The following GNG7 variants were observed in gnomAD, a reference collection of about 807,000 sequenced individuals.
GNG7 encodes guanine nucleotide-binding protein G(I)/G(S)/G(O) subunit gamma-7.
A neutral mutation model predicts 4.0 loss-of-function variants in GNG7; 1 was observed. The ratio of observed to expected loss-of-function variants is 0.25; its 90% CI spans 0.09 to 1.18. The LOEUF (loss-of-function observed/expected upper bound fraction) is 1.18, where lower values mean the gene tolerates loss of function less well. GNG7 is among the 50% of genes most tolerant of loss of function. The pLI is 0.50. For missense variants in GNG7, 86 were observed against 91.9 expected, an observed-to-expected ratio of 0.94 and a Z score of 0.26; for synonymous variants, 34 against 36.9, an observed-to-expected ratio of 0.92 and a Z score of 0.29.
intron 1 of GNG7, among the ~76,000 whole-genome samples, chr19:2,665,041 T>A (rs1240501311): frequency 1.3e-5 from 2 of 151,772 alleles, no homozygotes; most frequent in Non-Finnish European, 2.9e-5. Context: ...GCTGCACACA[T>A]TGAAATCCAC....
intron 3 of GNG7, among the ~76,000 whole-genome samples, chr19:2,550,493 G>A (rs1402790048): frequency 1.3e-5 from 2 of 152,184 alleles, no homozygotes; most frequent in African/African-American, 2.4e-5. Flanking sequence ...CTCCCAAAGT[G>A]CTGCGATTAC....
rs566517073 is a variant in GNG7, at chr19:2,515,098, C to T, written c.131G>A (p.Arg44Gln). 23 of 1,613,854 alleles carry T rather than the reference C, an allele frequency of 1.4e-5. No individual in the cohort carries two copies. The highest frequency in any genetic ancestry group is 1.7e-4 in the Middle Eastern group (1 of 6,056). ...GACTCCGACCAGCAGGGGGTCGTTC[C>T]GGGCATGTTGCTCACAGTAGCTCAT... ...DLMSYCEQHARNDPLLVGVPA... is the reference protein window; with the variant it reads ...DLMSYCEQHAQNDPLLVGVPA... Residue 44 changes from arginine (R) to glutamine (Q), a missense_variant, in exon 5 of 5, where the codon CGG (arginine) becomes CAG (glutamine). Coordinates refer to ENST00000382159, the MANE Select transcript of GNG7 (RefSeq NM_052847.3).
intron 1 of GNG7, among the ~76,000 whole-genome samples, chr19:2,657,361 A>AAAAATATATATATAT (rs1555701153): frequency 6.1e-5 from 1 of 16,322 alleles, no homozygotes; most frequent in Non-Finnish European, 1.0e-4. Context: ...AAAAAAAAAA[A>AAAAATATATATATAT]ATATATATAT....
chr19:2,564,997 T>C (rs1979857076), intron 2 of GNG7, among the ~76,000 whole-genome samples: 1 of 151,510 alleles, frequency 6.6e-6, no homozygotes, highest in African/African-American at 2.4e-5. Flanking sequence ...TTGAGACCAC[T>C]CTGGTCAACA....
chr19:2,579,476 C>T (rs1298224687), intron 2 of GNG7, among the ~76,000 whole-genome samples: 1 of 152,240 alleles, frequency 6.6e-6, no homozygotes. Context: ...GGGCGCTCCC[C>T]ATGCGAGCCT....
rs1979608195 is a variant in GNG7 at position 2,557,633 on chromosome 19, T to C, written c.-77-2445A>G. On this transcript the variant is annotated intron_variant, in intron 2 of 4. Coordinates refer to ENST00000382159, the MANE Select transcript of GNG7 (RefSeq NM_052847.3). This position sits in a 1 kb window ranked among gnomAD's most constrained non-coding sequence, Gnocchi z 5.1. ...ACCCATCACAAACTCTGAGTCAAAGTGCGATGTGCCCAGGCCAGCCCGGTG... is the reference window on the plus strand; with the variant it reads ...ACCCATCACAAACTCTGAGTCAAAGCGCGATGTGCCCAGGCCAGCCCGGTG... 6.6e-6 allele frequency among the ~76,000 whole-genome samples: 1 copy of C among 151,864 alleles called. No homozygotes were observed. The highest frequency in any genetic ancestry group is 1.5e-5 in the Non-Finnish European group (1 of 67,992).
chr19:2,624,398 GT>G (rs1033096362), intron 2 of GNG7, among the ~76,000 whole-genome samples: 100 of 151,930 alleles, frequency 6.6e-4, no homozygotes, highest in African/African-American at 2.3e-3. Flanking sequence ...GGGCGTGGTG[GT>G]GGGCGCCTGT....
At position 2,634,461 on chromosome 19, in the gene GNG7, C is replaced by A. The variant is rs8100745; in HGVS notation, c.-78+11763G>T. 0.12 allele frequency among the ~76,000 whole-genome samples: 18,351 copies of A among 152,230 alleles called. 2,680 individuals carry two copies. Among genetic ancestry groups the A allele is most frequent in the African/African-American group, 0.35 (14,625 of 41,496 alleles). On this transcript the variant is annotated intron_variant, in intron 2 of 4. Transcript: ENST00000382159. This position sits in a 1 kb window ranked among gnomAD's most constrained non-coding sequence, Gnocchi z 5.3. The stretch of plus-strand genomic sequence containing the variant: ...TCAAGGTCATGTCCAAGCTCTCCTA[C>A]CGCCGGGAAGCACTGCCTTGTCCTG...
At chr19:2,575,850 C>CACGCAGGCACACGCAG (rs1980313432) in intron 2 of GNG7, among the ~76,000 whole-genome samples, 2 of 150,044 alleles carry the variant, frequency 1.3e-5, no homozygotes, top group Non-Finnish European at 3.0e-5. Flanking sequence ...CACACGCAGA[C>CACGCAGGCACACGCAG]ACGCAGGCAC....
At chr19:2,527,776 C>CA (rs927070522) in intron 3 of GNG7, among the ~76,000 whole-genome samples, 1 of 129,576 alleles carries the variant, frequency 7.7e-6, no homozygotes, top group African/African-American at 3.9e-5. Context: ...GCCAGGAAAC[C>CA]CCCCCCCCCA....
At chr19:2,559,425 C>G (rs1054145249) in intron 2 of GNG7, among the ~76,000 whole-genome samples, 3 of 150,150 alleles carry the variant, frequency 2.0e-5, no homozygotes, top group African/African-American at 7.4e-5. Context: ...AATCTCAGCT[C>G]ACTGCAGCCT....
At chr19:2,572,676 C>A (rs1183951337) in intron 2 of GNG7, among the ~76,000 whole-genome samples, 1 of 151,356 alleles carries the variant, frequency 6.6e-6, no homozygotes, top group Non-Finnish European at 1.5e-5. Context: ...TCGGTGAAGC[C>A]TTGAATTCCT....
chr19:2,536,901 A>T (rs1276272495), intron 3 of GNG7, among the ~76,000 whole-genome samples: 1 of 151,160 alleles, frequency 6.6e-6, no homozygotes, highest in Non-Finnish European at 1.5e-5. Flanking sequence ...TGTATATTTT[A>T]TTATACAGAT....
chr19:2,573,271 C>A (rs1046511290), intron 2 of GNG7, among the ~76,000 whole-genome samples: 2 of 151,872 alleles, frequency 1.3e-5, no homozygotes, highest in African/African-American at 4.8e-5. Flanking sequence ...GATCCGCCCG[C>A]CTCAGCCTCC....
rs186109130 is a variant in GNG7, at chr19:2,605,711, A to T, written c.-78+40513T>A. Among the ~76,000 whole-genome samples the T allele has an allele frequency of 3.4e-3, 511 of 149,306 alleles. 1 individual carries two copies. The highest frequency in any genetic ancestry group is 0.012 in the African/African-American group (478 of 40,326). On this transcript the variant is annotated intron_variant, in intron 2 of 4. Coordinates refer to ENST00000382159, the MANE Select transcript of GNG7 (RefSeq NM_052847.3). ...GTATTTTTAGTAGAGACGGGGTTTC[A>T]CCATGTTGGCCAGCATGGTCTCGAT...
intron 1 of GNG7, among the ~76,000 whole-genome samples, chr19:2,673,122 C>T (rs963565959): frequency 2.6e-5 from 4 of 151,684 alleles, no homozygotes; most frequent in Non-Finnish European, 5.9e-5. Flanking sequence ...CTGGGCGTGG[C>T]AGCGGGCGCC....
chr19:2,643,638 C>T (rs1982581215), intron 2 of GNG7: 1 of 455,924 alleles, frequency 2.2e-6, no homozygotes, highest in African/African-American at 2.0e-5. Context: ...CCTCTCCGGG[C>T]TCTGCACACC....
At chr19:2,559,089 C>T (rs944441752) in intron 2 of GNG7, among the ~76,000 whole-genome samples, 2 of 151,928 alleles carry the variant, frequency 1.3e-5, no homozygotes, top group East Asian at 1.9e-4. Context: ...CGTGAGCCAT[C>T]GCGCCCAGCC....
chr19:2,512,471 G>A lies in GNG7; in HGVS notation c.*2551C>T. Reference sequence around the variant, plus strand: ...GATGGTGGGGTCTGGACAGCTCAGGGAACCCAAGGCCCTGTGGACAGTGAA... The same window carrying A: ...GATGGTGGGGTCTGGACAGCTCAGGAAACCCAAGGCCCTGTGGACAGTGAA... On this transcript the variant is annotated 3_prime_UTR_variant, in exon 5 of 5. Transcript: ENST00000382159. The surrounding 1 kb of genome is among the most constrained non-coding windows in gnomAD (Gnocchi z 4.7). 1 of 618,126 alleles carries A rather than the reference G, an allele frequency of 1.6e-6. No individual in the cohort carries two copies. The highest frequency in any genetic ancestry group is 2.0e-6 in the Non-Finnish European group (1 of 494,576). The allele number at this position is 618,126 out of a possible 1,614,324, so 38.3% of individuals were successfully genotyped here. A position where few individuals can be genotyped will look rare whatever the true frequency, so the allele number is the denominator to read the frequency against.
Sources: allele counts gnomAD v4.1 joint callset (sites outside exome capture counted in the v4.1 genomes callset), GRCh38; gene constraint gnomAD v4.1.1; non-coding constraint Gnocchi (gnomAD v3.1); transcripts MANE v1.5; gene names NCBI Gene and HGNC (gene_info 2026-07-23, HGNC 2026-07-21).